The following LATS2 variants were observed in gnomAD, a reference collection of about 807,000 sequenced individuals.
LATS2 encodes serine/threonine-protein kinase LATS2.
LATS2 carries 24 observed loss-of-function variants against 76.0 expected under a neutral mutation model. The observed-to-expected ratio is 0.32, with a 90% CI of 0.23 to 0.44. LATS2 has a LOEUF of 0.44. LATS2 is among the 20% of genes least tolerant of loss of function. LATS2 has a pLI of 1.00. For synonymous variants in LATS2, 692 were observed against 635.4 expected (o/e 1.09, Z -1.34); for missense variants, 1,286 against 1,481.2 (o/e 0.87, Z 2.16).
intron 2 of LATS2, among the ~76,000 whole-genome samples, chr13:21,012,787 C>A (rs78705710): frequency 5.0e-5 from 4 of 79,830 alleles, no homozygotes; most frequent in South Asian, 3.2e-4. Context: ...TGAATCACAC[C>A]CCCCCCCCAC....
intron 2 of LATS2, among the ~76,000 whole-genome samples, chr13:21,010,232 C>G (rs2062385120): frequency 1.5e-5 from 1 of 65,038 alleles, no homozygotes; most frequent in Admixed American, 1.5e-4. Context: ...AAAAAACCCA[C>G]AAAGGAATAA....
chr13:20,979,939 G>T, intron 6 of LATS2, 142 bp from the exon 7 acceptor site: 1 of 446,238 alleles, frequency 2.2e-6, no homozygotes, highest in Non-Finnish European at 4.0e-6. Context: ...ATGGACCTAT[G>T]TAAGTACCTG....
intron 1 of LATS2, among the ~76,000 whole-genome samples, chr13:21,053,233 C>CAAAAA (rs1194900665): frequency 2.6e-5 from 1 of 38,382 alleles, no homozygotes; most frequent in Non-Finnish European, 5.0e-5. Context: ...GACTCTGTCT[C>CAAAAA]AAAAAAAAAA....
chr13:20,988,330 A>G lies in LATS2; in HGVS notation c.1450T>C (p.Leu484=), dbSNP rs1393726194. ...APAPAPAAEG[L]DAKEEHALAL... ...AGGGCATGCTCCTCCTTGGCGTCCA[A>G]GCCCTCCGCAGCCGGGGCGGGGGCG... The change falls in exon 4 of 8, where the codon TTG becomes CTG. Residue 484 remains leucine (L), a synonymous_variant. Coordinates refer to ENST00000382592, the MANE Select transcript of LATS2 (RefSeq NM_014572.3). 1.5e-6 allele frequency: 2 copies of G among 1,292,366 alleles called. No homozygotes were observed. Among genetic ancestry groups the G allele is most frequent in the Admixed American group, 3.1e-5 (1 of 32,614 alleles). 80.1% of individuals were successfully genotyped at this position (1,292,366 alleles called of 1,614,324 possible).
chr13:20,999,317 G>A (rs1383981335), intron 2 of LATS2, among the ~76,000 whole-genome samples: 1 of 152,232 alleles, frequency 6.6e-6, no homozygotes, highest in Admixed American at 6.5e-5. Context: ...GAAGACACCT[G>A]CTCGGCACAT....
chr13:20,996,811 T>TA (rs761527026), intron 2 of LATS2, among the ~76,000 whole-genome samples: 16 of 152,186 alleles, frequency 1.1e-4, no homozygotes, highest in Non-Finnish European at 1.2e-4. Context: ...GGTTACAAAA[T>TA]AAGAGTCTGA....
chr13:21,024,202 G>A (rs577617380), intron 2 of LATS2, among the ~76,000 whole-genome samples: 72 of 151,976 alleles, frequency 4.7e-4, no homozygotes, highest in Middle Eastern at 3.4e-3. Flanking sequence ...GGGAGGCTGA[G>A]GGGGAGGGAT....
At chr13:20,989,429 C>T (rs1337815053) in intron 3 of LATS2, 125 bp from the exon 4 acceptor site, 14 of 967,044 alleles carry the variant, frequency 1.4e-5, no homozygotes, top group African/African-American at 8.1e-5. Flanking sequence ...TGGGCCCTGA[C>T]GTGCTGCATT....
chr13:20,993,027 T>C (rs1595220068), intron 2 of LATS2, among the ~76,000 whole-genome samples: 1 of 88,926 alleles, frequency 1.1e-5, no homozygotes, highest in Non-Finnish European at 2.1e-5. Flanking sequence ...AAAGTGTGAC[T>C]CCATCTCCAA....
rs116039077 is a variant in LATS2 at position 20,980,854 on chromosome 13, T to C, written c.2665+612A>G. On this transcript the variant is annotated intron_variant, in intron 6 of 7. Coordinates refer to ENST00000382592, the MANE Select transcript of LATS2 (RefSeq NM_014572.3). ...CTGTCTCTGGATTAATTACACCCCA[T>C]TGTCACTGTGGACCATGCAGGATCA... Among the ~76,000 whole-genome samples the C allele has an allele frequency of 9.2e-4, 140 of 152,266 alleles. 1 individual carries two copies. Among genetic ancestry groups the C allele is most frequent in the African/African-American group, 3.0e-3 (126 of 41,550 alleles).
At chr13:21,061,186 G>A (rs905647168) in intron 1 of LATS2, among the ~76,000 whole-genome samples, 160 bp downstream of exon 1, 2 of 151,692 alleles carry the variant, frequency 1.3e-5, no homozygotes, top group African/African-American at 4.8e-5. Flanking sequence ...GCAGGGCGCA[G>A]GGCTCCGTCC....
intron 6 of LATS2, among the ~76,000 whole-genome samples, chr13:20,980,703 A>G (rs1024093377): frequency 1.3e-5 from 2 of 152,318 alleles, no homozygotes; most frequent in African/African-American, 4.8e-5. Context: ...CGTTATTGCT[A>G]TGTCTGTGGT....
chr13:20,976,754 C>G (rs1869642395), intron 7 of LATS2, among the ~76,000 whole-genome samples: 1 of 152,068 alleles, frequency 6.6e-6, no homozygotes, highest in African/African-American at 2.4e-5. Flanking sequence ...CCTTACATCC[C>G]CTAGGGTGGC....
chr13:21,045,927 C>T lies in LATS2; in HGVS notation c.100G>A (p.Val34Ile), dbSNP rs749867787. ...TTTGGTCCTGCGGGTAGCCCCTGAA[C>T]CGAAGACTTGGATGGCTGTTTTAAC... ...EGLKQPSKSSVQGLPAGPNSD... is the reference protein window; with the variant it reads ...EGLKQPSKSSIQGLPAGPNSD... The change falls in exon 2 of 8, where the codon GTT becomes ATT. Residue 34 changes from valine to isoleucine, a missense_variant. Around this residue, in one of 5 missense-constraint regions of LATS2, gnomAD observed 101 missense variants for 141.4 expected, o/e 0.71. Transcript: ENST00000382592. 6.2e-7 allele frequency: 1 copy of T among 1,614,212 alleles called. No homozygotes were observed. Among genetic ancestry groups the T allele is most frequent in the Admixed American group, 1.7e-5 (1 of 60,022 alleles).
intron 2 of LATS2, among the ~76,000 whole-genome samples, chr13:20,996,360 C>A (rs1044851045): frequency 2.0e-5 from 3 of 149,896 alleles, no homozygotes; most frequent in African/African-American, 7.4e-5. Flanking sequence ...TTTCTACCTA[C>A]ATTAGAGTGG....
chr13:20,975,638 T>C (rs1404958886), intron 7 of LATS2, among the ~76,000 whole-genome samples: 1 of 152,228 alleles, frequency 6.6e-6, no homozygotes, highest in Non-Finnish European at 1.5e-5. Context: ...CAAAGAATTT[T>C]GTGCTTTCCA....
Position 20,975,231 on chromosome 13 carries a change from G to C in LATS2, c.2906C>G (p.Ala969Gly). The C allele has an allele frequency of 6.2e-7, 1 of 1,614,202 alleles. No individual in the cohort carries two copies. Among genetic ancestry groups the C allele is most frequent in the Non-Finnish European group, 8.5e-7 (1 of 1,180,024 alleles). Residue 969 changes from alanine to glycine, a missense_variant, in exon 8 of 8, where the codon GCC (alanine) becomes GGC (glycine). Coordinates refer to ENST00000382592, the MANE Select transcript of LATS2 (RefSeq NM_014572.3). ...LGRNGADDLK[A>G]HPFFSAIDFS... ...GTCAATGGCGCTGAAGAAGGGGTGGGCCTTCAGGTCATCGGCCCCATTCCG... is the reference window on the plus strand; with the variant it reads ...GTCAATGGCGCTGAAGAAGGGGTGGCCCTTCAGGTCATCGGCCCCATTCCG...
At chr13:21,040,248 A>G (rs1872822318) in intron 2 of LATS2, among the ~76,000 whole-genome samples, 1 of 151,868 alleles carries the variant, frequency 6.6e-6, no homozygotes, top group Non-Finnish European at 1.5e-5. Context: ...TTAGCCAGAC[A>G]TGGTGATGTG....
chr13:20,991,618 T>C lies in LATS2; in HGVS notation c.343-214A>G, dbSNP rs756709543. ...CAAAAGCCTAGCACAAGCCACACCATAGACTATTTAGCCTTATGTCAAGGA... is the reference window on the plus strand; with the variant it reads ...CAAAAGCCTAGCACAAGCCACACCACAGACTATTTAGCCTTATGTCAAGGA... On this transcript the variant is annotated intron_variant, in intron 2 of 7. Coordinates refer to ENST00000382592, the MANE Select transcript of LATS2 (RefSeq NM_014572.3). This position sits in a 1 kb window ranked among gnomAD's most constrained non-coding sequence, Gnocchi z 4.9. 1.3e-5 allele frequency among the ~76,000 whole-genome samples: 2 copies of C among 152,186 alleles called. No individual in the cohort carries two copies. Among genetic ancestry groups the C allele is most frequent in the Non-Finnish European group, 2.9e-5 (2 of 68,038 alleles).
Sources: gnomAD v4.1 joint callset for allele counts (sites outside exome capture counted in the v4.1 genomes callset) on GRCh38, gnomAD v4.1.1 for gene constraint, gnomAD v4.1.1 regional missense constraint, Gnocchi (gnomAD v3.1) non-coding constraint, MANE v1.5 for transcripts, NCBI Gene and HGNC (gene_info 2026-07-23, HGNC 2026-07-21) for gene names.